Variants in ENPP2 observed in about 807,000 individuals in gnomAD.
ENPP2 encodes autotaxin.
In ENPP2, 51 loss-of-function variants were observed where a neutral mutation model predicts 120.2. The observed-to-expected ratio is 0.42, with a 90% CI of 0.34 to 0.54. The LOEUF (loss-of-function observed/expected upper bound fraction) is 0.54, where lower values mean the gene tolerates loss of function less well. ENPP2 is among the 20% of genes least tolerant of loss of function. The pLI is 0.04. For synonymous variants in ENPP2, 365 were observed against 366.4 expected (o/e 1.00, Z 0.04); for missense variants, 920 against 1,066.5 (o/e 0.86, Z 1.91).
At chr8:119,569,499 CT>C (rs139865219) in intron 20 of ENPP2, 129 bp from the exon 21 acceptor site, 39,877 of 781,788 alleles carry the variant, frequency 0.051, 1,408 homozygotes, top group East Asian at 0.12. Flanking sequence ...AATTTTTTAT[CT>C]TTGATAGTCT....
chr8:119,589,650 T>C (rs962257718), intron 13 of ENPP2, among the ~76,000 whole-genome samples: 2 of 152,176 alleles, frequency 1.3e-5, no homozygotes, highest in Middle Eastern at 3.2e-3. Flanking sequence ...TTTCACAACA[T>C]GGTCTGGAGC....
chr8:119,647,657 G>A (rs987383305), intron 1 of ENPP2, among the ~76,000 whole-genome samples: 30 of 152,124 alleles, frequency 2.0e-4, no homozygotes, highest in African/African-American at 6.8e-4. Context: ...AGGAATAAGA[G>A]CATAAATTCT....
rs1813102614 is a variant in ENPP2 at position 119,586,263 on chromosome 8, G to C, written c.1290C>G (p.Pro430=). 1 of 1,613,702 alleles carries C rather than the reference G, an allele frequency of 6.2e-7. No individual in the cohort carries two copies. Residue 430 remains proline (P), a synonymous_variant, in exon 15 of 25, where the codon CCC becomes CCG. Transcript: ENST00000075322. ...TGTTGTTGGCATAGTGCAAACGTTTGGGAAGGTGCTGTTTCAAGTAAGGCT... is the reference window on the plus strand; with the variant it reads ...TGTTGTTGGCATAGTGCAAACGTTTCGGAAGGTGCTGTTTCAAGTAAGGCT... ...HFKPYLKQHL[P]KRLHYANNRR...
intron 13 of ENPP2, among the ~76,000 whole-genome samples, 177 bp downstream of exon 13, chr8:119,590,328 C>T (rs1813408558): frequency 1.3e-5 from 2 of 152,142 alleles, no homozygotes; most frequent in Non-Finnish European, 2.9e-5. Flanking sequence ...TTTATCATCC[C>T]CATTTTTCAG....
At chr8:119,592,157 C>T (rs1813549726) in intron 12 of ENPP2, among the ~76,000 whole-genome samples, 1 of 152,142 alleles carries the variant, frequency 6.6e-6, no homozygotes, top group Admixed American at 6.6e-5. Flanking sequence ...CACTAAAATT[C>T]ATTATGACTC....
chr8:119,629,697 A>AT (rs1320376207), intron 2 of ENPP2, among the ~76,000 whole-genome samples: 1 of 152,248 alleles, frequency 6.6e-6, no homozygotes, highest in African/African-American at 2.4e-5. Context: ...GCAGTGGTCC[A>AT]TAAAGCACAT....
At chr8:119,574,912 A>G (rs1169399582) in intron 19 of ENPP2, among the ~76,000 whole-genome samples, 3 of 152,108 alleles carry the variant, frequency 2.0e-5, no homozygotes, top group African/African-American at 7.2e-5. Context: ...GTTCTTTCTT[A>G]CCCCAACCTT....
At chr8:119,636,463 AC>A (rs1282553654) in intron 2 of ENPP2, among the ~76,000 whole-genome samples, 2 of 152,212 alleles carry the variant, frequency 1.3e-5, no homozygotes, top group African/African-American at 2.4e-5. Flanking sequence ...ACTAAGCTTC[AC>A]GTGGTTAGAA....
At chr8:119,570,939 G>C (rs1265806769) in intron 19 of ENPP2, 98 bp from the exon 20 acceptor site, 11 of 723,300 alleles carry the variant, frequency 1.5e-5, no homozygotes, top group Non-Finnish European at 2.1e-5. Flanking sequence ...AAAATGGCTA[G>C]CTTACTTATT....
At chr8:119,664,364 C>T (rs956733190) in intron 1 of ENPP2, among the ~76,000 whole-genome samples, 1 of 152,194 alleles carries the variant, frequency 6.6e-6, no homozygotes, top group Admixed American at 6.5e-5. Context: ...CCTCTCTGAA[C>T]CTCTGTTGTC....
intron 8 of ENPP2, among the ~76,000 whole-genome samples, chr8:119,615,924 G>A (rs1587487024): frequency 6.6e-6 from 1 of 151,782 alleles, no homozygotes; most frequent in Non-Finnish European, 1.5e-5. Context: ...TATAATCATA[G>A]CCTCACAAAG....
At chr8:119,615,151 T>C (rs979445560) in intron 8 of ENPP2, among the ~76,000 whole-genome samples, 7 of 152,126 alleles carry the variant, frequency 4.6e-5, no homozygotes, top group African/African-American at 1.4e-4. Flanking sequence ...TACAAGATCA[T>C]TGAGGCATGG....
At chr8:119,653,576 T>C (rs1817684804) in intron 1 of ENPP2, among the ~76,000 whole-genome samples, 1 of 152,078 alleles carries the variant, frequency 6.6e-6, no homozygotes, top group African/African-American at 2.4e-5. Flanking sequence ...GTGAGGCCAG[T>C]GTGGCTGGAG....
At chr8:119,670,816 G>A (rs1173366842) in intron 1 of ENPP2, among the ~76,000 whole-genome samples, 2 of 152,056 alleles carry the variant, frequency 1.3e-5, no homozygotes, top group Non-Finnish European at 2.9e-5. Flanking sequence ...GTACAAAAAT[G>A]GTACATAAAA....
rs1173984471 is a variant in ENPP2, at chr8:119,638,754, C to T, written c.27G>A (p.Ser9=). Reference sequence around the variant, plus strand: ...CATTCCTCCGTTCTCCCACCTGACACGACTGGAACGAGCTCCTCCTTGCCA... The same window carrying T: ...CATTCCTCCGTTCTCCCACCTGACATGACTGGAACGAGCTCCTCCTTGCCA... MARRSSFQ[S]CQIISLFTFA... Residue 9 remains serine (S), a synonymous_variant, in exon 1 of 25, where the codon TCG becomes TCA. Transcript: ENST00000075322. 2 of 1,592,464 alleles carry T rather than the reference C, an allele frequency of 1.3e-6. No individual in the cohort carries two copies. Among genetic ancestry groups the T allele is most frequent in the Non-Finnish European group, 8.6e-7 (1 of 1,160,224 alleles).
intron 22 of ENPP2, among the ~76,000 whole-genome samples, chr8:119,566,702 T>G (rs144289828): frequency 6.6e-6 from 1 of 152,316 alleles, no homozygotes; most frequent in East Asian, 1.9e-4. Flanking sequence ...GGTGGTACTG[T>G]GTGTTGCCTT....
chr8:119,571,330 G>A (rs1178599662), intron 19 of ENPP2: 4 of 152,222 alleles, frequency 2.6e-5, no homozygotes, highest in African/African-American at 9.7e-5. Context: ...GTAGTAATGA[G>A]CATTTAAAGT....
chr8:119,633,995 TAACATGGTGA>T (rs553276123), intron 2 of ENPP2, among the ~76,000 whole-genome samples: 196 of 151,736 alleles, frequency 1.3e-3, no homozygotes, highest in African/African-American at 4.6e-3. Context: ...GCAGCCTGGC[TAACATGGTGA>T]AACCTCATCT....
At chr8:119,573,429 T>G (rs2130153783) in intron 19 of ENPP2, among the ~76,000 whole-genome samples, 1 of 117,116 alleles carries the variant, frequency 8.5e-6, no homozygotes, top group African/African-American at 3.7e-5. Flanking sequence ...AAAAAAAAGA[T>G]TCATTTTCTC....
Sources: gnomAD v4.1 joint callset for allele counts (sites outside exome capture counted in the v4.1 genomes callset) on GRCh38, gnomAD v4.1.1 for gene constraint, MANE v1.5 for transcripts, NCBI Gene and HGNC (gene_info 2026-07-23, HGNC 2026-07-21) for gene names.